FOXN3: variants seen among roughly 807,000 people sequenced by gnomAD.
FOXN3 encodes forkhead box protein N3.
Under a neutral mutation model 38.4 loss-of-function variants are expected in FOXN3, and 7 were observed. The observed-to-expected ratio is 0.18, with a 90% CI of 0.10 to 0.34. FOXN3 has a LOEUF of 0.34. Ranked by LOEUF, FOXN3 falls within the 10% of genes least tolerant of loss-of-function variation. FOXN3 has a pLI of 1.00. For synonymous variants in FOXN3, 230 were observed against 242.2 expected (o/e 0.95, Z 0.47); for missense variants, 456 against 613.4 (o/e 0.74, Z 2.71).
chr14:89,327,673 G>T (rs1482405712), intron 3 of FOXN3, among the ~76,000 whole-genome samples: 1 of 152,204 alleles, frequency 6.6e-6, no homozygotes, highest in Non-Finnish European at 1.5e-5. Flanking sequence ...GGGCCTCAAA[G>T]TGTTGCTAGG....
chr14:89,470,668 A>G (rs947875078), intron 1 of FOXN3, among the ~76,000 whole-genome samples: 2 of 152,206 alleles, frequency 1.3e-5, no homozygotes, highest in Admixed American at 6.5e-5. Context: ...TTATGTGGAC[A>G]TGAATTTCTT....
chr14:89,489,862 G>T (rs183551047), intron 1 of FOXN3, among the ~76,000 whole-genome samples: 3 of 152,114 alleles, frequency 2.0e-5, no homozygotes, highest in Non-Finnish European at 4.4e-5. Flanking sequence ...ACACGCGCGC[G>T]CATGCACACA....
intron 4 of FOXN3, among the ~76,000 whole-genome samples, chr14:89,189,743 G>A (rs921204236): frequency 5.3e-5 from 8 of 152,328 alleles, no homozygotes; most frequent in Non-Finnish European, 1.0e-4. Context: ...GTCTCAGTAA[G>A]GAAATGTTGT....
intron 1 of FOXN3, among the ~76,000 whole-genome samples, chr14:89,616,521 A>ACCCCCCCCCCCCCCC (rs1161046760): frequency 6.5e-5 from 9 of 137,878 alleles, no homozygotes; most frequent in Non-Finnish European, 7.6e-5. Flanking sequence ...TCACTCCCCA[A>ACCCCCCCCCCCCCCC]CCCCACCCCC....
At chr14:89,312,408 T>C (rs929127240) in intron 3 of FOXN3, among the ~76,000 whole-genome samples, 6 of 142,762 alleles carry the variant, frequency 4.2e-5, no homozygotes, top group African/African-American at 1.6e-4. Flanking sequence ...GTAAGGAAAA[T>C]CAAGCCAAAA....
chr14:89,508,486 T>C (rs1021320875), intron 1 of FOXN3, among the ~76,000 whole-genome samples: 1 of 151,986 alleles, frequency 6.6e-6, no homozygotes, highest in Non-Finnish European at 1.5e-5. Flanking sequence ...GAGAGATTGG[T>C]CTGATGGATG....
At chr14:89,250,988 T>C (rs7147189) in intron 4 of FOXN3, among the ~76,000 whole-genome samples, 128,237 of 152,222 alleles carry the variant, frequency 0.84, 54,200 homozygotes, top group African/African-American at 0.91. Flanking sequence ...TATAAATTAC[T>C]CAGTCTCGGG....
rs1259565073 is a variant in FOXN3 at position 89,160,250 on chromosome 14, A to G, written c.*2164T>C. ...CCCCCGCCATTAAAGAAAATTTCTTAGGCAAAGGTAACAACAGGAGTTTCT... is the reference window on the plus strand; with the variant it reads ...CCCCCGCCATTAAAGAAAATTTCTTGGGCAAAGGTAACAACAGGAGTTTCT... On this transcript the variant is annotated 3_prime_UTR_variant, in exon 6 of 6. Coordinates refer to ENST00000557258, the MANE Select transcript of FOXN3 (RefSeq NM_005197.4). 1 of 116,520 alleles carries G rather than the reference A, an allele frequency of 8.6e-6. No individual in the cohort carries two copies. The highest frequency in any genetic ancestry group is 3.4e-5 in the African/African-American group (1 of 29,822). 7.2% of individuals were successfully genotyped at this position (116,520 alleles called of 1,614,324 possible).
chr14:89,336,066 C>G (rs550556504), intron 3 of FOXN3, among the ~76,000 whole-genome samples: 1 of 151,668 alleles, frequency 6.6e-6, no homozygotes, highest in Admixed American at 6.6e-5. Flanking sequence ...TATAAATAAT[C>G]CCTAAAATAT....
intron 1 of FOXN3, among the ~76,000 whole-genome samples, chr14:89,459,086 G>A (rs2139724463): frequency 6.6e-6 from 1 of 152,112 alleles, no homozygotes; most frequent in South Asian, 2.1e-4. Flanking sequence ...CTAGCAGTTG[G>A]GCATTCACAG....
At position 89,406,502 on chromosome 14, in the gene FOXN3, A is replaced by G. The variant is rs72703621; in HGVS notation, c.543+5432T>C. ...GTTCCTAGTAAGTTCTGCACTTGCT[A>G]GCTGTGCAACTTCTAGCAAGTTACT... is the stretch of plus-strand genomic sequence containing the variant. On this transcript the variant is annotated intron_variant, in intron 2 of 5. Transcript: ENST00000557258. Among the ~76,000 whole-genome samples, 353 of 152,302 alleles carry G rather than the reference A, an allele frequency of 2.3e-3. 3 individuals carry two copies. Among genetic ancestry groups the G allele is most frequent in the Middle Eastern group, 0.02 (6 of 294 alleles).
chr14:89,193,115 G>T (rs1343590653), intron 4 of FOXN3, among the ~76,000 whole-genome samples: 1 of 152,036 alleles, frequency 6.6e-6, no homozygotes, highest in Non-Finnish European at 1.5e-5. Context: ...CAAGCAAAAG[G>T]TCTCTGCCAT....
intron 4 of FOXN3, among the ~76,000 whole-genome samples, chr14:89,195,514 G>A (rs1325138131): frequency 6.6e-6 from 1 of 152,208 alleles, no homozygotes; most frequent in Non-Finnish European, 1.5e-5. Flanking sequence ...AAGCATTTCA[G>A]GGAACTGGGT....
intron 1 of FOXN3, among the ~76,000 whole-genome samples, chr14:89,520,664 C>A (rs1260829837): frequency 2.6e-5 from 4 of 152,150 alleles, no homozygotes; most frequent in Admixed American, 2.6e-4. Context: ...CTAAAGATAA[C>A]CGCTTCAAAC....
At chr14:89,392,950 G>A (rs1214558508) in intron 2 of FOXN3, among the ~76,000 whole-genome samples, 2 of 151,940 alleles carry the variant, frequency 1.3e-5, no homozygotes, top group Admixed American at 6.6e-5. Context: ...GGGACTACAG[G>A]CACGTACCAC....
chr14:89,360,767 T>A (rs796604183), intron 2 of FOXN3, among the ~76,000 whole-genome samples: 1 of 17,806 alleles, frequency 5.6e-5, no homozygotes, highest in African/African-American at 3.3e-4. Context: ...CCTCCACCAC[T>A]ACCACCTCCA....
Position 89,158,846 on chromosome 14 carries a change from G to A in FOXN3, c.*3568C>T, listed in dbSNP as rs970950050. 2.6e-5 allele frequency: 4 copies of A among 152,488 alleles called. No individual in the cohort carries two copies. The highest frequency in any genetic ancestry group is 7.2e-5 in the African/African-American group (3 of 41,386). The allele number at this position is 152,488 out of a possible 1,614,324, so 9.4% of individuals were successfully genotyped here. On this transcript the variant is annotated 3_prime_UTR_variant, in exon 6 of 6. Transcript: ENST00000557258. ...GGTTTCCAAAGCATCTTTAAATATT[G>A]CTATAGTTCCCCGTTTCCCCCTCCC... is the stretch of plus-strand genomic sequence containing the variant.
At chr14:89,513,436 C>T (rs1343694080) in intron 1 of FOXN3, among the ~76,000 whole-genome samples, 1 of 151,892 alleles carries the variant, frequency 6.6e-6, no homozygotes, top group Admixed American at 6.6e-5. Flanking sequence ...GACAAAGTCT[C>T]ACTATGTTGC....
chr14:89,219,699 C>T lies in FOXN3; in HGVS notation c.746-38893G>A, dbSNP rs535692183. On this transcript the variant is annotated intron_variant, in intron 4 of 5. Coordinates refer to ENST00000557258, the MANE Select transcript of FOXN3 (RefSeq NM_005197.4). ...CACCTGGAAAATGTGATAATAGCAC[C>T]CCCTTCCCTTACAAACAAGTTGATA... is the stretch of plus-strand genomic sequence containing the variant. Among the ~76,000 whole-genome samples, 6 of 152,292 alleles carry T rather than the reference C, an allele frequency of 3.9e-5. No homozygotes were observed. The South Asian group carries it at 1.2e-3, about 32-fold the overall frequency.
Sources: allele counts gnomAD v4.1 joint callset (sites outside exome capture counted in the v4.1 genomes callset), GRCh38; gene constraint gnomAD v4.1.1; transcripts MANE v1.5; gene names NCBI Gene and HGNC (gene_info 2026-07-23, HGNC 2026-07-21).